FIRRM: variants seen among roughly 807,000 people sequenced by gnomAD.
FIRRM encodes FIGNL1 interacting regulator of recombination and mitosis, also known as FIGNL1-interacting regulator of recombination and mitosis.
the FIRRM span, among the ~76,000 whole-genome samples, chr1:169,797,646 G>C: frequency 6.6e-6 from 1 of 152,154 alleles, no homozygotes; most frequent in Non-Finnish European, 1.5e-5. Context: ...CCAGGTTCAA[G>C]TGATTCTCCT....
chr1:169,798,762 T>C, the FIRRM span: 3 of 376,180 alleles, frequency 8.0e-6, no homozygotes, highest in Non-Finnish European at 1.4e-5. Flanking sequence ...AAATCTTAAG[T>C]TTTTAAAAGC....
the FIRRM span, among the ~76,000 whole-genome samples, chr1:169,794,236 A>G: frequency 6.6e-6 from 1 of 152,206 alleles, no homozygotes; most frequent in Non-Finnish European, 1.5e-5. Context: ...ATTTGTGTCC[A>G]ACCATATTCA....
chr1:169,829,588 A>G, the FIRRM span: 1 of 766,264 alleles, frequency 1.3e-6, no homozygotes, highest in African/African-American at 1.8e-5. Flanking sequence ...GTCCTAGAAA[A>G]TGGTAATCCC....
the FIRRM span, among the ~76,000 whole-genome samples, chr1:169,810,642 T>A: frequency 6.6e-6 from 1 of 151,980 alleles, no homozygotes; most frequent in Non-Finnish European, 1.5e-5. Flanking sequence ...ATAACCCTAT[T>A]TCCAAATAAG....
the FIRRM span, among the ~76,000 whole-genome samples, chr1:169,839,447 C>T: frequency 4.4e-4 from 67 of 152,236 alleles, no homozygotes; most frequent in African/African-American, 1.4e-3. Flanking sequence ...TTTTTAATAA[C>T]GGCCATTGTG....
the FIRRM span, among the ~76,000 whole-genome samples, chr1:169,845,317 T>C: frequency 3.0e-4 from 46 of 152,316 alleles, no homozygotes; most frequent in Admixed American, 1.0e-3. Flanking sequence ...ATAATCTTTT[T>C]GGTAGTGGAG....
chr1:169,817,712 A>T, the FIRRM span, among the ~76,000 whole-genome samples: 6 of 152,360 alleles, frequency 3.9e-5, no homozygotes, highest in Admixed American at 2.6e-4. Flanking sequence ...TAATCAGTAT[A>T]AAACTGTATA....
chr1:169,812,506 A>G, the FIRRM span, among the ~76,000 whole-genome samples: 1 of 152,220 alleles, frequency 6.6e-6, no homozygotes, highest in African/African-American at 2.4e-5. Flanking sequence ...AGGTCAGTGT[A>G]GAATAAACTT....
the FIRRM span, among the ~76,000 whole-genome samples, chr1:169,828,343 T>G: frequency 6.6e-6 from 1 of 152,208 alleles, no homozygotes; most frequent in Non-Finnish European, 1.5e-5. Flanking sequence ...CTGAGCTTCC[T>G]ATTCTGCTCA....
chr1:169,802,829 T>A, the FIRRM span: 1 of 653,954 alleles, frequency 1.5e-6, no homozygotes, highest in Non-Finnish European at 2.7e-6. Flanking sequence ...AATGGCCTAA[T>A]GTTGGAATTA....
At chr1:169,846,610 T>G in the FIRRM span, among the ~76,000 whole-genome samples, 1 of 152,320 alleles carries the variant, frequency 6.6e-6, no homozygotes, top group Admixed American at 6.5e-5. Context: ...CGGAGATTGC[T>G]TCTTAAACTT....
chr1:169,802,725 A>G, the FIRRM span: 4 of 1,586,842 alleles, frequency 2.5e-6, no homozygotes, highest in Non-Finnish European at 3.5e-6. Flanking sequence ...ATATTTTACA[A>G]GTAAGTCAAA....
At chr1:169,838,625 G>T in the FIRRM span, among the ~76,000 whole-genome samples, 1 of 152,054 alleles carries the variant, frequency 6.6e-6, no homozygotes, top group Non-Finnish European at 1.5e-5. Context: ...GAGCAGCTGG[G>T]ATTACAGGCA....
the FIRRM span, among the ~76,000 whole-genome samples, chr1:169,806,333 G>A: frequency 1.3e-5 from 2 of 152,138 alleles, no homozygotes; most frequent in African/African-American, 4.8e-5. Flanking sequence ...AGAAATAATG[G>A]GCCATGGGCC....
the FIRRM span, chr1:169,827,899 G>T: frequency 1.9e-6 from 3 of 1,555,452 alleles, no homozygotes; most frequent in South Asian, 1.2e-5. Flanking sequence ...CCTGTTGTTT[G>T]GAATGGTCTT....
the FIRRM span, chr1:169,830,431 CTG>C: frequency 2.3e-5 from 27 of 1,160,562 alleles, no homozygotes; most frequent in African/African-American, 4.6e-5. Context: ...TATAGAAAAA[CTG>C]TTTCAATAAT....
At chr1:169,802,963 G>A in the FIRRM span, among the ~76,000 whole-genome samples, 1 of 152,340 alleles carries the variant, frequency 6.6e-6, no homozygotes, top group African/African-American at 2.4e-5. Flanking sequence ...TGGAACACCT[G>A]CCATGTGTTT....
chr1:169,804,047 T>C, the FIRRM span: 3 of 1,386,240 alleles, frequency 2.2e-6, no homozygotes, highest in Non-Finnish European at 2.8e-6. Context: ...ATTTGTTTTT[T>C]CTCTCATTTT....
the FIRRM span, among the ~76,000 whole-genome samples, chr1:169,814,599 A>C: frequency 1.2e-4 from 19 of 152,306 alleles, no homozygotes; most frequent in African/African-American, 4.3e-4. Flanking sequence ...GCAATATGGA[A>C]ACCCATAAGA....
Sources: allele counts gnomAD v4.1 joint callset (sites outside exome capture counted in the v4.1 genomes callset), GRCh38; gene constraint gnomAD v4.1.1; transcripts MANE v1.5; gene names NCBI Gene and HGNC (gene_info 2026-07-23, HGNC 2026-07-21).